TRPM5: variants seen among roughly 807,000 people sequenced by gnomAD.
The protein encoded by TRPM5 is MLSN1 and TRP-related.
TRPM5 carries 121 observed loss-of-function variants against 124.9 expected under a neutral mutation model. The observed-to-expected ratio is 0.97, with a 90% CI of 0.84 to 1.13. The LOEUF is 1.13. Ranked by LOEUF, TRPM5 falls within the 50% of genes most tolerant of loss-of-function variation. The pLI is 0.00. For synonymous variants in TRPM5, 781 were observed against 700.5 expected (o/e 1.11, Z -1.81); for missense variants, 1,643 against 1,589.1 (o/e 1.03, Z -0.58).
At chr11:2,412,668 C>T (rs1589869280) in intron 15 of TRPM5, 86 bp downstream of exon 20, 1 of 1,389,350 alleles carries the variant, frequency 7.2e-7, no homozygotes, top group Non-Finnish European at 9.6e-7. Flanking sequence ...GTTGGGGAGC[C>T]CCACCCTGCG....
At chr11:2,407,018 A>T in intron 20 of TRPM5, 101 bp downstream of exon 25, 1 of 1,386,418 alleles carries the variant, frequency 7.2e-7, no homozygotes. Context: ...AGGGCTGAGG[A>T]GGGGTCCAGG....
chr11:2,404,708 C>T (rs544409118), exon 24 of TRPM5: 1 of 537,034 alleles, frequency 1.9e-6, no homozygotes, highest in South Asian at 2.4e-5. Flanking sequence ...GGAGTTGTGC[C>T]TGTCAGGGGA....
Position 2,407,319 on chromosome 11 carries a change from GCCGT to G in TRPM5, c.2937-23_2937-20del, listed in dbSNP as rs1193100876. 1 of 1,598,632 alleles carries G rather than the reference GCCGT, an allele frequency of 6.3e-7. No individual in the cohort carries two copies. On this transcript the variant is annotated intron_variant, in intron 19 of 23. Coordinates refer to ENST00000155858, the Ensembl canonical transcript of TRPM5. The stretch of plus-strand genomic sequence containing the variant: ...CGTGTAGCTGCAGGGGCACAGCTGA[GCCGT>G]CACCTACCGGCTCCCCACGACCACT...
intron 18 of TRPM5, among the ~76,000 whole-genome samples, chr11:2,408,688 C>T (rs899604431): frequency 1.3e-5 from 2 of 152,234 alleles, no homozygotes; most frequent in Non-Finnish European, 1.5e-5. Flanking sequence ...ACCCTCACCC[C>T]ACCCCAGCCT....
At chr11:2,416,730 C>T (rs1322035032) in intron 7 of TRPM5, among the ~76,000 whole-genome samples, 1 of 152,244 alleles carries the variant, frequency 6.6e-6, no homozygotes, top group Non-Finnish European at 1.5e-5. Context: ...GTCCCCAGCC[C>T]CTGCTTAGCA....
the TRPM5 span, among the ~76,000 whole-genome samples, chr11:2,436,239 C>T: frequency 6.6e-6 from 1 of 152,270 alleles, no homozygotes; most frequent in Admixed American, 6.5e-5. Flanking sequence ...TCAGCCGCCA[C>T]CTCACATCCA....
At chr11:2,410,685 T>C in intron 18 of TRPM5, 1 of 455,464 alleles carries the variant, frequency 2.2e-6, no homozygotes, top group South Asian at 1.6e-5. Context: ...TGCACTGGCT[T>C]ATGAAAAAGT....
At chr11:2,415,657 T>G (rs1167995068) in intron 8 of TRPM5, among the ~76,000 whole-genome samples, 186 bp from the exon 14 acceptor site, 1 of 152,138 alleles carries the variant, frequency 6.6e-6, no homozygotes, top group African/African-American at 2.4e-5. Flanking sequence ...GAGGGGCCAG[T>G]CGTGAGCAAA....
the TRPM5 span, among the ~76,000 whole-genome samples, chr11:2,432,147 A>G: frequency 6.6e-6 from 1 of 152,216 alleles, no homozygotes; most frequent in East Asian, 1.9e-4. Context: ...CGCTCTAGCC[A>G]TGGGCACTGC....
chr11:2,421,055 G>A (rs756548608), exon 3 of TRPM5: 10 of 1,546,432 alleles, frequency 6.5e-6, no homozygotes, highest in Non-Finnish European at 8.7e-6. Context: ...AGAATGCGGC[G>A]GTGCAGGACG....
intron 23 of TRPM5, 44 bp downstream of exon 28, chr11:2,405,483 G>A (rs1850297172): frequency 1.9e-6 from 3 of 1,539,576 alleles, no homozygotes; most frequent in Non-Finnish European, 2.6e-6. Context: ...TGCAGAGTGG[G>A]TGCCCATGCC....
intron 21 of TRPM5, 127 bp downstream of exon 26, chr11:2,406,534 C>A: frequency 7.5e-7 from 1 of 1,324,578 alleles, no homozygotes; most frequent in Non-Finnish European, 1.0e-6. Flanking sequence ...CTGGGCTCGG[C>A]CAGAGCCCTG....
the TRPM5 span, among the ~76,000 whole-genome samples, chr11:2,441,441 G>A: frequency 1.3e-5 from 2 of 150,690 alleles, no homozygotes; most frequent in East Asian, 4.0e-4. This position sits in a 1 kb window ranked among gnomAD's most constrained non-coding sequence, Gnocchi z 7.2. Context: ...CCCACACCCA[G>A]CCCAGCCCAG....
chr11:2,422,163 C>T, exon 2 of TRPM5: 1 of 1,610,250 alleles, frequency 6.2e-7, no homozygotes, highest in Non-Finnish European at 8.5e-7. Context: ...CCGCCTTCAC[C>T]AGCCCCTTGC....
At chr11:2,413,899 C>T (rs1850507812) in intron 12 of TRPM5, among the ~76,000 whole-genome samples, 162 bp downstream of exon 17, 1 of 152,182 alleles carries the variant, frequency 6.6e-6, no homozygotes, top group African/African-American at 2.4e-5. Flanking sequence ...TGGAGGAAGC[C>T]AGGTGGGCGC....
chr11:2,420,829 G>T (rs190816599), intron 3 of TRPM5, among the ~76,000 whole-genome samples: 2 of 152,294 alleles, frequency 1.3e-5, no homozygotes, highest in East Asian at 1.9e-4. Context: ...GGTACAGGAG[G>T]GGGTGAGGGC....
chr11:2,421,458 G>T (rs1565015199), intron 2 of TRPM5, among the ~76,000 whole-genome samples: 3 of 152,186 alleles, frequency 2.0e-5, no homozygotes. Flanking sequence ...GCACAAACTG[G>T]GGTCCAGTCC....
downstream of TRPM5, among the ~76,000 whole-genome samples, chr11:2,404,140 C>T (rs901056738): frequency 2.6e-5 from 4 of 152,296 alleles, no homozygotes; most frequent in Non-Finnish European, 5.9e-5. Context: ...CCACATGATG[C>T]CATCAGCCCC....
At chr11:2,436,011 G>A in the TRPM5 span, among the ~76,000 whole-genome samples, 6 of 152,208 alleles carry the variant, frequency 3.9e-5, no homozygotes, top group Non-Finnish European at 7.3e-5. Flanking sequence ...CCCAGCCAGC[G>A]TATCTCCCAG....
Sources: gnomAD v4.1 joint callset for allele counts (sites outside exome capture counted in the v4.1 genomes callset) on GRCh38, gnomAD v4.1.1 for gene constraint, Gnocchi (gnomAD v3.1) non-coding constraint, MANE v1.5 for transcripts, NCBI Gene and HGNC (gene_info 2026-07-23, HGNC 2026-07-21) for gene names.